Variants in NAA15 observed in about 807,000 individuals in gnomAD.
The protein encoded by NAA15 is N-alpha-acetyltransferase 15, NatA auxiliary subunit.
Under a neutral mutation model 114.0 loss-of-function variants are expected in NAA15, and 34 were observed. That is an observed-to-expected ratio of 0.30 (90% CI 0.23 to 0.40). The LOEUF (loss-of-function observed/expected upper bound fraction) is 0.40, where lower values mean the gene tolerates loss of function less well. Ranked by LOEUF, NAA15 falls within the 10% of genes least tolerant of loss-of-function variation. The probability of loss-of-function intolerance (pLI) is 1.00; values close to 1 mark genes in which losing one functional copy is unlikely to be tolerated. For missense variants in NAA15, 658 were observed against 1,004.5 expected (o/e 0.66, Z 4.66); for synonymous variants, 340 against 338.0 (o/e 1.01, Z -0.06).
chr4:139,356,844 T>C (rs575753218), intron 10 of NAA15, among the ~76,000 whole-genome samples: 2 of 152,266 alleles, frequency 1.3e-5, no homozygotes, highest in South Asian at 4.1e-4. Context: ...TAGTTTTTAT[T>C]TGACTTAAAT....
At chr4:139,384,467 C>T (rs947051654) in intron 17 of NAA15, among the ~76,000 whole-genome samples, 1 of 149,732 alleles carries the variant, frequency 6.7e-6, no homozygotes, top group African/African-American at 2.5e-5. Flanking sequence ...GGCAGTAAAA[C>T]CTTGTCTGTC....
chr4:139,367,462 C>T (rs944890347), intron 14 of NAA15, among the ~76,000 whole-genome samples: 1 of 152,086 alleles, frequency 6.6e-6, no homozygotes, highest in Non-Finnish European at 1.5e-5. Flanking sequence ...CTTTTCCTTC[C>T]AGATTTACTA....
At position 139,382,938 on chromosome 4, in the gene NAA15, G is replaced by A. The variant is rs535838895; in HGVS notation, c.2156-1894G>A. Among the ~76,000 whole-genome samples the A allele has an allele frequency of 7.2e-5, 11 of 152,160 alleles. No homozygotes were observed. In the East Asian group the frequency reaches 1.3e-3, roughly 19 times the overall value. ...AGATTAATGATCCATTAGCAGGATA[G>A]TGGGTCATTACCAGCACTCAAAAAC... is the stretch of plus-strand genomic sequence containing the variant. On this transcript the variant is annotated intron_variant, in intron 17 of 19. Transcript: ENST00000296543.
At chr4:139,317,376 C>T (rs776425044) in intron 1 of NAA15, among the ~76,000 whole-genome samples, 6 of 152,138 alleles carry the variant, frequency 3.9e-5, no homozygotes, top group Non-Finnish European at 8.8e-5. Flanking sequence ...GTAATCCCAG[C>T]ACTTTGGGCG....
At chr4:139,342,779 T>C (rs747465875) in intron 4 of NAA15, 47 bp from the exon 5 acceptor site, 1 of 1,577,864 alleles carries the variant, frequency 6.3e-7, no homozygotes, top group Non-Finnish European at 8.6e-7. Context: ...GAGCACTTGC[T>C]GTTACTAAAA....
At chr4:139,301,876 T>C (rs1745770471) in intron 1 of NAA15, 45 bp downstream of exon 1, 2 of 1,552,286 alleles carry the variant, frequency 1.3e-6, no homozygotes, top group Non-Finnish European at 1.7e-6. Flanking sequence ...ATTTAGCCGG[T>C]AACCGGGCCT....
chr4:139,311,151 C>A (rs1746211869), intron 1 of NAA15, among the ~76,000 whole-genome samples: 1 of 151,716 alleles, frequency 6.6e-6, no homozygotes, highest in African/African-American at 2.4e-5. Context: ...GTCCTTCTCA[C>A]CTTATTTTCT....
At chr4:139,368,034 A>G (rs529458194) in intron 14 of NAA15, among the ~76,000 whole-genome samples, 1 of 151,768 alleles carries the variant, frequency 6.6e-6, no homozygotes, top group South Asian at 2.1e-4. Context: ...AGCCCTACTC[A>G]AAGTCTGTCC....
intron 1 of NAA15, among the ~76,000 whole-genome samples, chr4:139,313,403 T>C (rs1746282771): frequency 6.6e-6 from 1 of 151,908 alleles, no homozygotes; most frequent in South Asian, 2.1e-4. Context: ...AGCAAAGCAG[T>C]ATTTATTTAG....
At chr4:139,331,947 C>T (rs2110889932) in intron 1 of NAA15, among the ~76,000 whole-genome samples, 1 of 151,978 alleles carries the variant, frequency 6.6e-6, no homozygotes. Context: ...TGCTCGTTTC[C>T]TGCAAATGTG....
intron 1 of NAA15, among the ~76,000 whole-genome samples, chr4:139,326,306 G>A (rs952956241): frequency 6.6e-5 from 10 of 152,040 alleles, no homozygotes; most frequent in African/African-American, 1.9e-4. Flanking sequence ...CAGTTATCTC[G>A]TGTAAAATGA....
chr4:139,359,037 G>A lies in NAA15; in HGVS notation c.1258-706G>A, dbSNP rs561811271. On this transcript the variant is annotated intron_variant, in intron 11 of 19. Transcript: ENST00000296543. ...GGAGAATTGCTTGAACCCGGGAGGC[G>A]GAGGTTGCAGTGAGCCAAGATTGTG... Among the ~76,000 whole-genome samples, 664 of 151,902 alleles carry A rather than the reference G, an allele frequency of 4.4e-3. 3 individuals are homozygous for A. The highest frequency in any genetic ancestry group is 7.0e-3 in the Non-Finnish European group (474 of 67,934).
At chr4:139,366,560 G>C (rs1748290265) in intron 14 of NAA15, among the ~76,000 whole-genome samples, 1 of 151,428 alleles carries the variant, frequency 6.6e-6, no homozygotes, top group African/African-American at 2.4e-5. Context: ...TAACTGCCGT[G>C]GTCTGCATTT....
chr4:139,365,582 A>C (rs1748256685), intron 14 of NAA15, among the ~76,000 whole-genome samples: 1 of 152,122 alleles, frequency 6.6e-6, no homozygotes, highest in African/African-American at 2.4e-5. Context: ...ACACACCTGT[A>C]ATCCCAGCAC....
chr4:139,318,927 CAG>C (rs1000607587), intron 1 of NAA15, among the ~76,000 whole-genome samples: 4 of 151,626 alleles, frequency 2.6e-5, no homozygotes, highest in African/African-American at 9.7e-5. Flanking sequence ...TAAAAGAAAA[CAG>C]AATTCTTACA....
chr4:139,337,155 A>C (rs1747225446), intron 3 of NAA15, among the ~76,000 whole-genome samples: 2 of 152,190 alleles, frequency 1.3e-5, no homozygotes, highest in Non-Finnish European at 2.9e-5. Flanking sequence ...TCACAGATAA[A>C]TGGAACTTGC....
intron 1 of NAA15, among the ~76,000 whole-genome samples, chr4:139,322,076 T>C (rs1400086906): frequency 6.6e-6 from 1 of 152,194 alleles, no homozygotes. Context: ...TTTATCAGCT[T>C]ATACTTTTTG....
At chr4:139,308,307 A>G (rs1489588084) in intron 1 of NAA15, among the ~76,000 whole-genome samples, 1 of 152,068 alleles carries the variant, frequency 6.6e-6, no homozygotes, top group African/African-American at 2.4e-5. Context: ...TTTCTTTGGG[A>G]AAGTTAATGT....
chr4:139,389,064 T>C lies in NAA15; in HGVS notation c.*980T>C, dbSNP rs1351096173. The C allele has an allele frequency of 1.3e-5, 2 of 152,620 alleles. No homozygotes were observed. The highest frequency in any genetic ancestry group is 2.9e-5 in the Non-Finnish European group (2 of 68,030). 9.5% of individuals were successfully genotyped at this position (152,620 alleles called of 1,614,324 possible). ...ATGCAGAAAAAAAAGTGCTGCAGTT[T>C]AGATACCTCTGGAATTTTTCCACAG... On this transcript the variant is annotated 3_prime_UTR_variant, in exon 20 of 20. Coordinates refer to ENST00000296543, the MANE Select transcript of NAA15 (RefSeq NM_057175.5).
Sources: gnomAD v4.1 joint callset for allele counts (sites outside exome capture counted in the v4.1 genomes callset) on GRCh38, gnomAD v4.1.1 for gene constraint, MANE v1.5 for transcripts, NCBI Gene and HGNC (gene_info 2026-07-23, HGNC 2026-07-21) for gene names.